The following ANO4 variants were observed in gnomAD, a reference collection of about 807,000 sequenced individuals.
ANO4 encodes anoctamin 4, also known as anoctamin-4.
ANO4 carries 69 observed loss-of-function variants against 141.9 expected under a neutral mutation model. The observed-to-expected ratio is 0.49, with a 90% CI of 0.40 to 0.59. The LOEUF is 0.59. Among genes scored for constraint, ANO4 ranks in the 20% least tolerant of loss-of-function variants. ANO4 has a pLI of 0.00. For missense variants in ANO4, 894 were observed against 1,162.2 expected (o/e 0.77, Z 3.36); for synonymous variants, 350 against 394.3 (o/e 0.89, Z 1.33).
At chr12:100,770,945 A>G (rs977154068) in intron 3 of ANO4, among the ~76,000 whole-genome samples, 1 of 152,088 alleles carries the variant, frequency 6.6e-6, no homozygotes, top group Non-Finnish European at 1.5e-5. Flanking sequence ...AATGGAAGGT[A>G]AATTAGTGGA....
intron 1 of ANO4, among the ~76,000 whole-genome samples, chr12:100,796,770 C>G (rs1030395869): frequency 6.6e-6 from 1 of 152,146 alleles, no homozygotes. Flanking sequence ...GCTCTGCTTC[C>G]TCTTTAATTC....
chr12:100,728,858 GA>G (rs2031252756), intron 1 of ANO4, among the ~76,000 whole-genome samples: 1 of 152,112 alleles, frequency 6.6e-6, no homozygotes, highest in South Asian at 2.1e-4. Flanking sequence ...AAGTGAGGAA[GA>G]AAAATGTGTA....
chr12:100,931,323 A>G (rs1271002226), intron 3 of ANO4, among the ~76,000 whole-genome samples: 1 of 152,210 alleles, frequency 6.6e-6, no homozygotes, highest in Non-Finnish European at 1.5e-5. Context: ...CAGACTACAG[A>G]TGTAAAGTCT....
chr12:101,097,997 T>C (rs1194066165), intron 21 of ANO4, 52 bp downstream of exon 21: 1 of 1,528,102 alleles, frequency 6.5e-7, no homozygotes, highest in East Asian at 2.3e-5. Flanking sequence ...ATTATTGGCT[T>C]TTCTAGGTGT....
At chr12:101,110,893 C>A (rs1024376761) in intron 23 of ANO4, among the ~76,000 whole-genome samples, 18 of 152,256 alleles carry the variant, frequency 1.2e-4, no homozygotes, top group African/African-American at 4.3e-4. Flanking sequence ...TTGATTTGTT[C>A]TTTCCTAAAT....
intron 5 of ANO4, among the ~76,000 whole-genome samples, chr12:100,966,736 C>G (rs1306805201): frequency 2.6e-5 from 4 of 151,834 alleles, no homozygotes; most frequent in Non-Finnish European, 5.9e-5. Flanking sequence ...CAATAAATGG[C>G]AACAGGAATC....
At chr12:100,831,838 G>A (rs546857508) in intron 1 of ANO4, among the ~76,000 whole-genome samples, 5 of 152,152 alleles carry the variant, frequency 3.3e-5, no homozygotes, top group African/African-American at 9.6e-5. Flanking sequence ...TTCTTTATTA[G>A]TAGAGTGATA....
chr12:101,082,157 G>A (rs896979970), intron 15 of ANO4, among the ~76,000 whole-genome samples: 3 of 152,096 alleles, frequency 2.0e-5, no homozygotes, highest in African/African-American at 4.8e-5. Flanking sequence ...TGAATCATGG[G>A]GGTGGGTTTT....
intron 14 of ANO4, among the ~76,000 whole-genome samples, chr12:101,054,655 A>G (rs1046302404): frequency 3.3e-5 from 5 of 152,002 alleles, no homozygotes; most frequent in African/African-American, 1.2e-4. Context: ...GCCCGCCACC[A>G]CGCCCAGCTA....
intron 1 of ANO4, among the ~76,000 whole-genome samples, chr12:100,843,987 C>CTTCA (rs371132889): frequency 0.062 from 9,405 of 151,940 alleles, 331 homozygotes; most frequent in Middle Eastern, 0.096. Flanking sequence ...GATGGCTGTG[C>CTTCA]TTCATTCATT....
chr12:101,111,500 T>C (rs867972244), intron 23 of ANO4, 63 bp from the exon 24 acceptor site: 3 of 1,409,246 alleles, frequency 2.1e-6, no homozygotes, highest in Non-Finnish European at 2.8e-6. Flanking sequence ...ATTAATTCCA[T>C]TTTTTCATAA....
chr12:100,720,135 T>G (rs77036012), intron 1 of ANO4, among the ~76,000 whole-genome samples: 20,595 of 152,024 alleles, frequency 0.14, 2,035 homozygotes, highest in African/African-American at 0.28. Context: ...GAGAAATGAC[T>G]GGGACTTTAA....
At chr12:100,893,742 A>G (rs2040214447) in intron 1 of ANO4, among the ~76,000 whole-genome samples, 1 of 152,162 alleles carries the variant, frequency 6.6e-6, no homozygotes, top group Admixed American at 6.5e-5. Context: ...GTTATGAATT[A>G]CGAATCAGGG....
intron 9 of ANO4, among the ~76,000 whole-genome samples, chr12:101,023,604 C>T (rs939850302): frequency 3.3e-5 from 5 of 152,098 alleles, no homozygotes; most frequent in African/African-American, 9.7e-5. Context: ...GAGGTCAAGG[C>T]GGCAGTGAGC....
rs77317577 is a variant in ANO4 at position 100,978,456 on chromosome 12, C to G, written c.602+3567C>G. 5.0e-3 allele frequency among the ~76,000 whole-genome samples: 760 copies of G among 152,340 alleles called. 5 individuals are homozygous for G. Among genetic ancestry groups the G allele is most frequent in the African/African-American group, 0.017 (718 of 41,578 alleles). On this transcript the variant is annotated intron_variant, in intron 7 of 27. Coordinates refer to ENST00000392977, the MANE Select transcript of ANO4 (RefSeq NM_001286615.2). ...TTAAATGCCATCAAGTCCAACCATT[C>G]ATCAGATACTTAAACTTCTGCTTTC...
At chr12:100,863,119 A>G (rs2038570064) in intron 1 of ANO4, among the ~76,000 whole-genome samples, 1 of 152,132 alleles carries the variant, frequency 6.6e-6, no homozygotes, top group East Asian at 1.9e-4. Flanking sequence ...AGGCAGGAGC[A>G]TGCTTGGCAA....
intron 26 of ANO4, 113 bp downstream of exon 26, chr12:101,120,738 G>A (rs2051052943): frequency 8.8e-6 from 7 of 790,980 alleles, no homozygotes; most frequent in African/African-American, 1.7e-5. Flanking sequence ...ATTTCCAGAA[G>A]TAGTAGTGTC....
intron 14 of ANO4, chr12:101,068,192 G>T (rs1353734845): frequency 1.6e-6 from 2 of 1,256,480 alleles, no homozygotes; most frequent in Non-Finnish European, 2.1e-6. Context: ...GAGTGGAGTG[G>T]TTGTCTCCTG....
In ANO4 at chr12:101,099,709, A is replaced by C; in HGVS notation, c.2138A>C (p.Tyr713Ser). ...PMNAYGLFDE[Y>S]LEMILQFGFT... ...AATGCCTATGGACTCTTCGATGAAT[A>C]CTTAGAAATGAGTATGGAAATATTC... The change falls in exon 22 of 28, where the codon TAC becomes TCC. Residue 713 changes from tyrosine to serine, a missense_variant. Tyr to Ser is a moderately radical substitution (Grantham distance 144). Coordinates refer to ENST00000392977, the MANE Select transcript of ANO4 (RefSeq NM_001286615.2). The C allele has an allele frequency of 6.4e-7, 1 of 1,567,356 alleles. No individual in the cohort carries two copies. Among genetic ancestry groups the C allele is most frequent in the Non-Finnish European group, 8.6e-7 (1 of 1,166,234 alleles).
Sources: gnomAD v4.1 joint callset for allele counts (sites outside exome capture counted in the v4.1 genomes callset) on GRCh38, gnomAD v4.1.1 for gene constraint, MANE v1.5 for transcripts, NCBI Gene and HGNC (gene_info 2026-07-23, HGNC 2026-07-21) for gene names.